SEMA3F: variants seen among roughly 807,000 people sequenced by gnomAD.
The protein encoded by SEMA3F is semaphorin 3F, also known as semaphorin-3F.
In SEMA3F, 30 loss-of-function variants were observed where a neutral mutation model predicts 98.5. That is an observed-to-expected ratio of 0.30 (90% CI 0.23 to 0.41). The LOEUF (loss-of-function observed/expected upper bound fraction) is 0.41, where lower values mean the gene tolerates loss of function less well. Ranked by LOEUF, SEMA3F falls within the 10% of genes least tolerant of loss-of-function variation. The pLI is 1.00. For missense variants in SEMA3F, 866 were observed against 1,119.3 expected, an observed-to-expected ratio of 0.77 and a Z score of 3.23; for synonymous variants, 380 against 444.8, an observed-to-expected ratio of 0.85 and a Z score of 1.83.
At chr3:50,168,473 C>T (rs1172542631) in intron 2 of SEMA3F, among the ~76,000 whole-genome samples, 1 of 152,074 alleles carries the variant, frequency 6.6e-6, no homozygotes, top group African/African-American at 2.4e-5. Flanking sequence ...CTGGGTTGGC[C>T]TGATCAGGGT....
At chr3:50,176,887 C>T (rs753684331) in intron 7 of SEMA3F, 26 bp downstream of exon 7, 2 of 1,567,010 alleles carry the variant, frequency 1.3e-6, no homozygotes, top group South Asian at 1.1e-5. Context: ...CCCCGCTCTA[C>T]AGTCTCAATG....
rs757018373 is a variant in SEMA3F, at chr3:50,187,858, G to T, written c.2101G>T (p.Ala701Ser). Reference sequence around the variant, plus strand: ...GCAGCTGCATGTACTGGGCCGGGACGCCGTCCATGCTGCCCTCTTCCCACC... The same window carrying T: ...GCAGCTGCATGTACTGGGCCGGGACTCCGTCCATGCTGCCCTCTTCCCACC... ...RVQLHVLGRD[A>S]VHAALFPPLS... The change falls in exon 19 of 19, where the codon GCC becomes TCC. Residue 701 changes from alanine (A) to serine (S), a missense_variant. By Grantham distance (99) the Ala-to-Ser change is moderately conservative (BLOSUM62 1). Transcript: ENST00000002829. 2 of 1,613,154 alleles carry T rather than the reference G, an allele frequency of 1.2e-6. No homozygotes were observed. Among genetic ancestry groups the T allele is most frequent in the Non-Finnish European group, 1.7e-6 (2 of 1,179,900 alleles).
intron 18 of SEMA3F, 56 bp from the exon 19 acceptor site, chr3:50,187,649 G>C: frequency 6.8e-7 from 1 of 1,474,410 alleles, no homozygotes; most frequent in South Asian, 1.4e-5. Flanking sequence ...CTGGTTGCTG[G>C]CTAGGGCCAT....
At position 50,159,862 on chromosome 3, in the gene SEMA3F, G is replaced by T. The variant is rs537118997; in HGVS notation, c.112+128G>T. On this transcript the variant is annotated intron_variant, in intron 2 of 18. Transcript: ENST00000002829. ...CAAATTGTACAGCCACATAGGTTGT[G>T]GGGGAGAAGGGAGACCGGGGAGGTG... The T allele has an allele frequency of 2.5e-4, 164 of 668,218 alleles. 1 individual carries two copies. In the South Asian group the frequency reaches 2.7e-3, roughly 11 times the overall value. 41.4% of individuals were successfully genotyped at this position (668,218 alleles called of 1,614,324 possible).
intron 2 of SEMA3F, among the ~76,000 whole-genome samples, chr3:50,170,938 C>T (rs950433489): frequency 2.6e-5 from 4 of 152,192 alleles, no homozygotes; most frequent in African/African-American, 9.7e-5. Flanking sequence ...AGTCACCTTC[C>T]GGCCCTGGCC....
At position 50,182,427 on chromosome 3, in the gene SEMA3F, T is replaced by C. The variant is rs760778436; in HGVS notation, c.763+24T>C. 1.2e-6 allele frequency: 2 copies of C among 1,612,462 alleles called. No homozygotes were observed. The highest frequency in any genetic ancestry group is 1.7e-6 in the Non-Finnish European group (2 of 1,179,936). ...CGGTAAGCGCAGCCCCAGGAGCCCTTCCGTGGCCATGTGTCTGGGATGCGG... is the reference window on the plus strand; with the variant it reads ...CGGTAAGCGCAGCCCCAGGAGCCCTCCCGTGGCCATGTGTCTGGGATGCGG... On this transcript the variant is annotated intron_variant, in intron 8 of 18. Coordinates refer to ENST00000002829, the MANE Select transcript of SEMA3F (RefSeq NM_004186.5). This position sits in a 1 kb window ranked among gnomAD's most constrained non-coding sequence, Gnocchi z 4.5.
chr3:50,160,733 G>A (rs541030246), intron 2 of SEMA3F, among the ~76,000 whole-genome samples: 74 of 152,364 alleles, frequency 4.9e-4, no homozygotes, highest in African/African-American at 1.7e-3. Context: ...AAAGGCTGGG[G>A]TGACCTTTCC....
In SEMA3F at chr3:50,184,830, C is replaced by G. The variant is rs776647310; in HGVS notation, c.1456+16C>G. On this transcript the variant is annotated intron_variant, in intron 13 of 18. Coordinates refer to ENST00000002829, the MANE Select transcript of SEMA3F (RefSeq NM_004186.5). Reference sequence around the variant, plus strand: ...CTGGGCACAGGTACCCACTGCTGCTCCCGGCCTCTCCCACGCTGGGCCCAC... The same window carrying G: ...CTGGGCACAGGTACCCACTGCTGCTGCCGGCCTCTCCCACGCTGGGCCCAC... 2 of 1,597,340 alleles carry G rather than the reference C, an allele frequency of 1.3e-6. No individual in the cohort carries two copies. The highest frequency in any genetic ancestry group is 2.7e-5 in the African/African-American group (2 of 74,474).
Position 50,182,390 on chromosome 3 carries a change from C to T in SEMA3F, c.750C>T (p.Ser250=). 6.2e-7 allele frequency: 1 copy of T among 1,613,900 alleles called. No individual in the cohort carries two copies. The highest frequency in any genetic ancestry group is 8.5e-7 in the Non-Finnish European group (1 of 1,180,040). Residue 250 remains serine (S), a synonymous_variant, in exon 8 of 19, where the codon TCC becomes TCT. Transcript: ENST00000002829. The surrounding 1 kb of genome is among the most constrained non-coding windows in gnomAD (Gnocchi z 4.5). The stretch of plus-strand genomic sequence containing the variant: ...CCATGCGCACGGATCAGTACAACTC[C>T]CGGTGGCTGAACGGTAAGCGCAGCC... ...QTAMRTDQYN[S]RWLNDPSFIH... is the part of the protein sequence containing the mutation.
intron 5 of SEMA3F, 87 bp downstream of exon 5, chr3:50,174,437 C>T: frequency 1.4e-6 from 2 of 1,476,850 alleles, no homozygotes. Context: ...TCAGCCCCAG[C>T]CCTGCCACTT....
At chr3:50,157,658 C>A (rs780389917) in intron 1 of SEMA3F, among the ~76,000 whole-genome samples, 4 of 152,156 alleles carry the variant, frequency 2.6e-5, no homozygotes, top group Non-Finnish European at 5.9e-5. Flanking sequence ...GGGACCTGGA[C>A]TTGAGACTGA....
chr3:50,188,046 A>AC lies in SEMA3F; in HGVS notation c.2293dup (p.Arg765ProfsTer4), dbSNP rs1256834974. On this transcript the variant is annotated frameshift_variant, in exon 19 of 19. Transcript: ENST00000002829. LOFTEE classifies it high-confidence loss of function. This position sits in a 1 kb window ranked among gnomAD's most constrained non-coding sequence, Gnocchi z 4.5. ...CCAGCCCCAGGGAGGCTCCAGGGGC[A>AC]CCCCGGTCTCCTGAGCCCCAGGACC... The AC allele has an allele frequency of 1.3e-6, 2 of 1,586,188 alleles. No homozygotes were observed. The highest frequency in any genetic ancestry group is 3.4e-4 in the Middle Eastern group (2 of 5,952).
chr3:50,186,205 C>T, intron 16 of SEMA3F, 76 bp from the exon 17 acceptor site: 1 of 1,525,042 alleles, frequency 6.6e-7, no homozygotes, highest in Non-Finnish European at 9.0e-7. Context: ...GGGCCCTGCC[C>T]TGGAGTCAGG....
At chr3:50,179,865 A>T (rs1180187741) in intron 7 of SEMA3F, among the ~76,000 whole-genome samples, 2 of 152,210 alleles carry the variant, frequency 1.3e-5, no homozygotes, top group East Asian at 3.9e-4. Context: ...AATTGAAGAC[A>T]GTTAGGGCTT....
Position 50,185,522 on chromosome 3 carries a change from G to T in SEMA3F, c.1536G>T (p.Glu512Asp), listed in dbSNP as rs372384823. 1 of 1,613,958 alleles carries T rather than the reference G, an allele frequency of 6.2e-7. No homozygotes were observed. Among genetic ancestry groups the T allele is most frequent in the East Asian group, 2.2e-5 (1 of 44,856 alleles). The part of the protein sequence containing the change: ...ELEELMLEEV[E>D]VFKDPAPVKT... ...AGGAGCTCATGCTGGAGGAGGTGGA[G>T]GTCTTCAAGGTGGGTGTGACACCAC... Residue 512 changes from glutamate to aspartate, a missense_variant, in exon 14 of 19, where the codon GAG becomes GAT. Glu to Asp is a conservative substitution (Grantham distance 45). Coordinates refer to ENST00000002829, the MANE Select transcript of SEMA3F (RefSeq NM_004186.5).
intron 6 of SEMA3F, 103 bp downstream of exon 6, chr3:50,175,291 C>T (rs1043680907): frequency 5.7e-5 from 45 of 785,678 alleles, no homozygotes; most frequent in Non-Finnish European, 9.3e-5. Context: ...CTCCCCTCTA[C>T]CTCTGTGCCC....
intron 2 of SEMA3F, among the ~76,000 whole-genome samples, chr3:50,170,910 C>T (rs1575388241): frequency 1.3e-5 from 2 of 152,158 alleles, no homozygotes; most frequent in African/African-American, 4.8e-5. Flanking sequence ...GAGTCATGTG[C>T]CCTGTCCACG....
chr3:50,173,768 T>G, intron 2 of SEMA3F, 25 bp from the exon 3 acceptor site: 1 of 1,611,636 alleles, frequency 6.2e-7, no homozygotes, highest in South Asian at 1.1e-5. Flanking sequence ...AAGGTCCTAA[T>G]TGGTGCCCTG....
In SEMA3F at chr3:50,164,880, G is replaced by A. The variant is rs4688747; in HGVS notation, c.112+5146G>A. Among the ~76,000 whole-genome samples, 8,218 of 152,262 alleles carry A rather than the reference G, an allele frequency of 0.054. 1,587 individuals carry two copies. The East Asian group carries it at 0.61, about 11-fold the overall frequency. On this transcript the variant is annotated intron_variant, in intron 2 of 18. Coordinates refer to ENST00000002829, the MANE Select transcript of SEMA3F (RefSeq NM_004186.5). ...TGGGAGTAAGAACAATACTGGCCTC[G>A]TTGTGTTGTCAGGAGGATTAACTGT...
Sources: allele counts gnomAD v4.1 joint callset (sites outside exome capture counted in the v4.1 genomes callset), GRCh38; gene constraint gnomAD v4.1.1; non-coding constraint Gnocchi (gnomAD v3.1); transcripts MANE v1.5; gene names NCBI Gene and HGNC (gene_info 2026-07-23, HGNC 2026-07-21).